The following LAMA2 variants were observed in gnomAD, a reference collection of about 807,000 sequenced individuals.
LAMA2 encodes laminin subunit alpha-2.
In LAMA2, 269 loss-of-function variants were observed where a neutral mutation model predicts 364.8. The observed-to-expected ratio is 0.74, with a 90% confidence interval of 0.67 to 0.82. The LOEUF is 0.82. LAMA2 is among the 40% of genes least tolerant of loss of function. LAMA2 has a pLI of 0.00. For missense variants in LAMA2, 3,807 were observed against 3,873.2 expected (o/e 0.98, Z 0.45); for synonymous variants, 1,379 against 1,370.6 (o/e 1.01, Z -0.14).
At chr6:129,039,189 A>G (rs1160070205) in intron 1 of LAMA2, among the ~76,000 whole-genome samples, 1 of 152,246 alleles carries the variant, frequency 6.6e-6, no homozygotes, top group African/African-American at 2.4e-5. Context: ...TACGGACACC[A>G]AGAAAGAAAC....
At chr6:129,418,860 A>T (rs1780930092) in intron 40 of LAMA2, among the ~76,000 whole-genome samples, 1 of 152,106 alleles carries the variant, frequency 6.6e-6, no homozygotes, top group African/African-American at 2.4e-5. Context: ...TAATTTTCAG[A>T]ATTTATTTAT....
intron 35 of LAMA2, among the ~76,000 whole-genome samples, chr6:129,384,610 G>A (rs1337066582): frequency 6.6e-6 from 1 of 152,082 alleles, no homozygotes; most frequent in Non-Finnish European, 1.5e-5. Context: ...TGGTCAATAT[G>A]AATATTTGCT....
At chr6:128,973,320 AC>A (rs1184980917) in intron 1 of LAMA2, among the ~76,000 whole-genome samples, 1 of 152,216 alleles carries the variant, frequency 6.6e-6, no homozygotes, top group Non-Finnish European at 1.5e-5. Flanking sequence ...AGACATAGCC[AC>A]ACATGGAGAA....
At chr6:129,204,396 C>T (rs1256633646) in intron 12 of LAMA2, among the ~76,000 whole-genome samples, 1 of 151,066 alleles carries the variant, frequency 6.6e-6, no homozygotes, top group Non-Finnish European at 1.5e-5. Context: ...TATAACTAGT[C>T]AGTATTCTGT....
intron 41 of LAMA2, among the ~76,000 whole-genome samples, chr6:129,428,303 G>A (rs189151354): frequency 6.0e-4 from 92 of 152,198 alleles, no homozygotes; most frequent in African/African-American, 2.1e-3. Context: ...GTGTAGCAGC[G>A]TGAGCACATA....
intron 51 of LAMA2, among the ~76,000 whole-genome samples, chr6:129,471,193 T>C (rs764697229): frequency 6.6e-6 from 1 of 151,864 alleles, no homozygotes; most frequent in African/African-American, 2.4e-5. Flanking sequence ...ACTTTTCTAT[T>C]TTGTAAAGAA....
chr6:129,098,717 G>A (rs1344302756), intron 4 of LAMA2, among the ~76,000 whole-genome samples: 3 of 152,216 alleles, frequency 2.0e-5, no homozygotes, highest in Non-Finnish European at 1.5e-5. Context: ...CTAATGATTA[G>A]AGAAGGATTG....
chr6:129,408,895 C>A (rs1780384521), intron 40 of LAMA2, among the ~76,000 whole-genome samples: 2 of 152,182 alleles, frequency 1.3e-5, no homozygotes, highest in Non-Finnish European at 2.9e-5. Flanking sequence ...AAATCCTCCT[C>A]AGCTGAGGTC....
intron 12 of LAMA2, among the ~76,000 whole-genome samples, chr6:129,209,779 G>A (rs1782962258): frequency 1.3e-5 from 2 of 151,882 alleles, no homozygotes; most frequent in Admixed American, 6.6e-5. Context: ...TGAGGCGGGC[G>A]GATAACGAGG....
chr6:129,298,622 A>T (rs1357687266), intron 21 of LAMA2, among the ~76,000 whole-genome samples: 3 of 152,192 alleles, frequency 2.0e-5, no homozygotes, highest in Non-Finnish European at 4.4e-5. Context: ...AATGTCATGG[A>T]TTCAACCTGG....
At chr6:129,083,100 ACG>A (rs983980983) in intron 3 of LAMA2, among the ~76,000 whole-genome samples, 10 of 145,676 alleles carry the variant, frequency 6.9e-5, no homozygotes, top group Middle Eastern at 3.5e-3. Flanking sequence ...ACACACACAC[ACG>A]TGTACACACA....
At chr6:129,399,184 T>C (rs1252082772) in intron 37 of LAMA2, among the ~76,000 whole-genome samples, 1 of 152,190 alleles carries the variant, frequency 6.6e-6, no homozygotes, top group African/African-American at 2.4e-5. Context: ...GAAAATAATA[T>C]TGTCTATGTT....
chr6:129,185,982 T>C (rs1367098261), intron 10 of LAMA2, among the ~76,000 whole-genome samples: 4 of 151,760 alleles, frequency 2.6e-5, no homozygotes, highest in Non-Finnish European at 3.0e-5. Flanking sequence ...TTTTATAGGC[T>C]GTAGTGTGAA....
chr6:129,391,178 A>G (rs1427681999), intron 35 of LAMA2, among the ~76,000 whole-genome samples: 1 of 152,032 alleles, frequency 6.6e-6, no homozygotes, highest in African/African-American at 2.4e-5. Flanking sequence ...GCTACAGGTC[A>G]CTGTTTTTTT....
chr6:129,504,589 C>A (rs1335090089), intron 60 of LAMA2, among the ~76,000 whole-genome samples: 1 of 152,134 alleles, frequency 6.6e-6, no homozygotes, highest in East Asian at 1.9e-4. Context: ...AGTCTTTACA[C>A]CCCTTATTTC....
chr6:129,474,187 C>T (rs1222417277), intron 52 of LAMA2, among the ~76,000 whole-genome samples: 1 of 152,026 alleles, frequency 6.6e-6, no homozygotes, highest in Non-Finnish European at 1.5e-5. Context: ...GGTGTTTCTA[C>T]TCCAAAAAGA....
At chr6:128,947,545 T>C (rs2114558847) in intron 1 of LAMA2, among the ~76,000 whole-genome samples, 1 of 152,322 alleles carries the variant, frequency 6.6e-6, no homozygotes, top group South Asian at 2.1e-4. Flanking sequence ...AGGTTGGAAG[T>C]AATTCAATCA....
intron 4 of LAMA2, among the ~76,000 whole-genome samples, chr6:129,119,566 G>T (rs897283197): frequency 6.7e-6 from 1 of 149,864 alleles, no homozygotes; most frequent in Admixed American, 6.6e-5. Flanking sequence ...ATTTATTTTT[G>T]AGACGGAGTC....
chr6:129,259,576 T>C (rs780835182), intron 14 of LAMA2, among the ~76,000 whole-genome samples: 4 of 152,114 alleles, frequency 2.6e-5, no homozygotes, highest in Non-Finnish European at 4.4e-5. Flanking sequence ...GAGATACAAA[T>C]AGTGAAAAGT....
Sources: allele counts gnomAD v4.1 joint callset (sites outside exome capture counted in the v4.1 genomes callset), GRCh38; gene constraint gnomAD v4.1.1; transcripts MANE v1.5; gene names NCBI Gene and HGNC (gene_info 2026-07-23, HGNC 2026-07-21).